PDE4D: variants seen among roughly 807,000 people sequenced by gnomAD.
PDE4D encodes the protein phosphodiesterase 4D.
Under a neutral mutation model 87.4 loss-of-function variants are expected in PDE4D, and 24 were observed. That is an observed-to-expected ratio of 0.27 (90% CI 0.20 to 0.39). The LOEUF (loss-of-function observed/expected upper bound fraction) is 0.39. PDE4D is among the 10% of genes least tolerant of loss of function. The pLI is 1.00. For missense variants in PDE4D, 714 were observed against 1,041.0 expected, an observed-to-expected ratio of 0.69 and a Z score of 4.32; for synonymous variants, 384 against 383.2, an observed-to-expected ratio of 1.00 and a Z score of -0.02.
intron 1 of PDE4D, among the ~76,000 whole-genome samples, chr5:60,474,835 G>A (rs899357264): frequency 6.6e-6 from 1 of 152,132 alleles, no homozygotes; most frequent in Non-Finnish European, 1.5e-5. Context: ...CCTTCATTCA[G>A]TCAGGTCAGT....
intron 1 of PDE4D, among the ~76,000 whole-genome samples, chr5:59,650,530 T>C (rs961222611): frequency 1.3e-5 from 2 of 152,164 alleles, no homozygotes; most frequent in African/African-American, 2.4e-5. Context: ...AGGAACAATC[T>C]GAAAAAAATT....
chr5:59,636,702 T>C (rs1269580896), intron 1 of PDE4D, among the ~76,000 whole-genome samples: 1 of 152,330 alleles, frequency 6.6e-6, no homozygotes, highest in South Asian at 2.1e-4. Flanking sequence ...GCTAGCCATA[T>C]GCAGAAAACT....
chr5:60,224,216 C>T (rs535917746), intron 1 of PDE4D, among the ~76,000 whole-genome samples: 2 of 152,178 alleles, frequency 1.3e-5, no homozygotes, highest in Non-Finnish European at 2.9e-5. Context: ...CAAGTGTTCC[C>T]TTGGGAGTCA....
intron 1 of PDE4D, among the ~76,000 whole-genome samples, chr5:59,664,298 T>C (rs7716837): frequency 0.086 from 13,042 of 152,222 alleles, 1,747 homozygotes; most frequent in African/African-American, 0.29. Flanking sequence ...GTTGTCATGT[T>C]GGTCTAGGCA....
At chr5:59,213,393 C>T (rs1355467723) in intron 2 of PDE4D, among the ~76,000 whole-genome samples, 3 of 152,044 alleles carry the variant, frequency 2.0e-5, no homozygotes, top group Non-Finnish European at 4.4e-5. Flanking sequence ...TTTGTCCTTC[C>T]TAAAGAATAC....
At chr5:60,038,494 T>C (rs1235220256) in intron 2 of PDE4D, among the ~76,000 whole-genome samples, 1 of 152,128 alleles carries the variant, frequency 6.6e-6, no homozygotes, top group Non-Finnish European at 1.5e-5. Flanking sequence ...ATCTCTGTTT[T>C]GGTACCAGTA....
chr5:59,859,318 A>T (rs763497175), intron 1 of PDE4D, among the ~76,000 whole-genome samples: 1 of 152,106 alleles, frequency 6.6e-6, no homozygotes, highest in Non-Finnish European at 1.5e-5. Context: ...GCTATGTTTG[A>T]TGTAAAAATA....
chr5:60,455,117 T>G (rs984197472), intron 1 of PDE4D, among the ~76,000 whole-genome samples: 2 of 152,124 alleles, frequency 1.3e-5, no homozygotes, highest in Admixed American at 1.3e-4. Flanking sequence ...GGTATAAAAT[T>G]TTAAAATTCT....
intron 1 of PDE4D, among the ~76,000 whole-genome samples, chr5:59,587,249 A>T (rs1436144408): frequency 6.6e-6 from 1 of 152,210 alleles, no homozygotes; most frequent in African/African-American, 2.4e-5. Flanking sequence ...GGAGCTTTTC[A>T]TATTTTGCCT....
chr5:59,900,961 T>C (rs955332942), intron 3 of PDE4D, among the ~76,000 whole-genome samples: 1 of 152,180 alleles, frequency 6.6e-6, no homozygotes, highest in African/African-American at 2.4e-5. Context: ...AGGCAAAATG[T>C]ATGCATTTTT....
chr5:59,431,247 A>T (rs1044570316), intron 1 of PDE4D, among the ~76,000 whole-genome samples: 1 of 152,152 alleles, frequency 6.6e-6, no homozygotes, highest in Non-Finnish European at 1.5e-5. Flanking sequence ...TGGAGAAATT[A>T]GAAAGGATAT....
At chr5:59,910,073 T>G (rs980105771) in intron 3 of PDE4D, among the ~76,000 whole-genome samples, 1 of 152,242 alleles carries the variant, frequency 6.6e-6, no homozygotes, top group African/African-American at 2.4e-5. Context: ...TTTTCCATGC[T>G]GCCTTCCTCG....
intron 8 of PDE4D, 87 bp from the exon 9 acceptor site, chr5:58,990,989 G>C: frequency 1.3e-6 from 1 of 785,290 alleles, no homozygotes; most frequent in South Asian, 1.7e-5. Context: ...AAAAATTACA[G>C]ACCTTAGGTG....
intron 1 of PDE4D, among the ~76,000 whole-genome samples, chr5:60,406,041 A>G (rs1304785515): frequency 6.6e-6 from 1 of 151,916 alleles, no homozygotes; most frequent in Non-Finnish European, 1.5e-5. Flanking sequence ...TTCCTAAATC[A>G]TAGTTTCAGA....
At chr5:60,521,477 AAG>A (rs1751037010) in intron 1 of PDE4D, 1 of 152,192 alleles carries the variant, frequency 6.6e-6, no homozygotes, top group Non-Finnish European at 1.5e-5. Context: ...TACTGGGAAA[AAG>A]AGATCTAAAG....
chr5:60,361,086 G>A lies in PDE4D; in HGVS notation c.-90+126856C>T, dbSNP rs576863600. Among the ~76,000 whole-genome samples the A allele has an allele frequency of 2.6e-5, 4 of 152,252 alleles. No individual in the cohort carries two copies. The East Asian group carries it at 7.7e-4, about 29-fold the overall frequency. ...AATAAGAACCTTCTCTGCATGCATT[G>A]AGATGTATTCATTTCTGAGCTCAGC... On this transcript the variant is annotated intron_variant, in intron 1 of 16. Transcript: ENST00000502484.
At chr5:59,624,378 T>A (rs1166883212) in intron 1 of PDE4D, among the ~76,000 whole-genome samples, 1 of 152,176 alleles carries the variant, frequency 6.6e-6, no homozygotes, top group Admixed American at 6.5e-5. Flanking sequence ...AACAGAAAGT[T>A]AAAAGATCTT....
At chr5:59,667,211 C>A (rs567294298) in intron 1 of PDE4D, among the ~76,000 whole-genome samples, 6 of 152,124 alleles carry the variant, frequency 3.9e-5, no homozygotes, top group African/African-American at 1.2e-4. Context: ...ACTAGGCTTA[C>A]CCCACTTCCC....
intron 1 of PDE4D, among the ~76,000 whole-genome samples, chr5:59,697,120 G>A (rs1751900353): frequency 6.6e-6 from 1 of 152,158 alleles, no homozygotes; most frequent in Non-Finnish European, 1.5e-5. Flanking sequence ...CTGATGGGGA[G>A]TAATTTGGGG....
Sources: gnomAD v4.1 joint callset for allele counts (sites outside exome capture counted in the v4.1 genomes callset) on GRCh38, gnomAD v4.1.1 for gene constraint, MANE v1.5 for transcripts, NCBI Gene and HGNC (gene_info 2026-07-23, HGNC 2026-07-21) for gene names.